TXNRD2: variants seen among roughly 807,000 people sequenced by gnomAD.
TXNRD2 encodes thioredoxin reductase 2.
A neutral mutation model predicts 70.8 loss-of-function variants in TXNRD2; 67 were observed. The ratio of observed to expected loss-of-function variants is 0.95; its 90% CI spans 0.78 to 1.16. The LOEUF (loss-of-function observed/expected upper bound fraction) is 1.16, where lower values mean the gene tolerates loss of function less well. TXNRD2 is among the 50% of genes most tolerant of loss of function. The probability of loss-of-function intolerance (pLI) is 0.00; values close to 1 mark genes in which losing one functional copy is unlikely to be tolerated. For synonymous variants in TXNRD2, 301 were observed against 295.8 expected (o/e 1.02, Z -0.18); for missense variants, 644 against 719.9 (o/e 0.89, Z 1.21).
intron 2 of TXNRD2, among the ~76,000 whole-genome samples, chr22:19,920,562 G>A (rs1000411005): frequency 1.3e-4 from 19 of 150,658 alleles, no homozygotes; most frequent in African/African-American, 4.4e-4. Context: ...CAGCCTGGGC[G>A]ACAGAGCAAG....
chr22:19,913,838 C>T (rs1212068362), intron 7 of TXNRD2, among the ~76,000 whole-genome samples: 1 of 152,202 alleles, frequency 6.6e-6, no homozygotes, highest in Non-Finnish European at 1.5e-5. Context: ...CAAACGCACA[C>T]AGAGCCCTCA....
At chr22:19,915,935 C>T (rs1940619174) in intron 5 of TXNRD2, 92 bp from the exon 6 acceptor site, 1 of 1,146,642 alleles carries the variant, frequency 8.7e-7, no homozygotes, top group Non-Finnish European at 1.3e-6. Flanking sequence ...AAGGGAGCTC[C>T]AGCCCCCAGC....
rs376329785 is a variant in TXNRD2 at position 19,877,055 on chromosome 22, G to A, written c.*50C>T. 45 of 1,566,290 alleles carry A rather than the reference G, an allele frequency of 2.9e-5. No individual in the cohort carries two copies. In the Admixed American group the frequency reaches 3.1e-4, roughly 11 times the overall value. On this transcript the variant is annotated 3_prime_UTR_variant, in exon 17 of 18. Transcript: ENST00000400521. ...ACCTGCATACCTGGGTCTGGCCTCC[G>A]AGGAGCTGGCGGCGGGCGCACCGTG...
chr22:19,925,292 A>G (rs1941096155), intron 2 of TXNRD2, among the ~76,000 whole-genome samples: 1 of 151,820 alleles, frequency 6.6e-6, no homozygotes, highest in Admixed American at 6.6e-5. Context: ...TCAAAAAACA[A>G]AACAAAACAA....
intron 11 of TXNRD2, among the ~76,000 whole-genome samples, chr22:19,892,482 T>C (rs1939309613): frequency 6.6e-6 from 1 of 152,176 alleles, no homozygotes; most frequent in African/African-American, 2.4e-5. Flanking sequence ...ATTTTGAAAG[T>C]ACAAAAAAAT....
rs200981451 is a variant in TXNRD2, at chr22:19,895,509, G to C, written c.847C>G (p.Arg283Gly). 4.3e-6 allele frequency: 7 copies of C among 1,613,848 alleles called. No homozygotes were observed. The highest frequency in any genetic ancestry group is 5.9e-6 in the Non-Finnish European group (7 of 1,180,024). The change falls in exon 11 of 18, where the codon CGG becomes GGG. Residue 283 changes from arginine to glycine, a missense_variant. By Grantham distance (125) the Arg-to-Gly change is moderately radical. This residue lies in a region of TXNRD2 where 566 missense variants were observed against 645.0 expected (regional missense o/e 0.88). Coordinates refer to ENST00000400521, the MANE Select transcript of TXNRD2 (RefSeq NM_006440.5). ...TRFLRGCAPS[R>G]VRRLPDGQLQ... is the part of the protein sequence containing the mutation. ...TGGCCATCAGGGAGCCTCCTGACCC[G>C]CGAGGGGGCACAGCCCCTCAGGAAC...
chr22:19,936,588 C>A (rs896925175), intron 1 of TXNRD2, among the ~76,000 whole-genome samples: 4 of 152,104 alleles, frequency 2.6e-5, no homozygotes, highest in African/African-American at 7.2e-5. Context: ...ACCCTCCTAT[C>A]ATTTTGGTCC....
At chr22:19,935,787 A>C (rs1941516493) in intron 1 of TXNRD2, among the ~76,000 whole-genome samples, 1 of 152,234 alleles carries the variant, frequency 6.6e-6, no homozygotes, top group African/African-American at 2.4e-5. Context: ...CTGGCGCCCA[A>C]CGTGGTTTTC....
chr22:19,934,929 T>C (rs529909703), intron 1 of TXNRD2, among the ~76,000 whole-genome samples: 118 of 152,356 alleles, frequency 7.7e-4, no homozygotes, highest in African/African-American at 2.4e-3. Context: ...CTTCATAAGC[T>C]GATAATATAC....
chr22:19,928,867 G>A (rs188108538), intron 2 of TXNRD2, among the ~76,000 whole-genome samples: 2 of 152,044 alleles, frequency 1.3e-5, no homozygotes, highest in East Asian at 3.9e-4. Context: ...TTAGCCAGGT[G>A]TGGTGGCAGG....
chr22:19,880,845 T>C lies in TXNRD2; in HGVS notation c.1087-128A>G, dbSNP rs1182657688. On this transcript the variant is annotated intron_variant, in intron 12 of 17. Transcript: ENST00000400521. Reference sequence around the variant, plus strand: ...AAATCCCCAACACTGGCACCGAGCATGGTGACGTACAGCATTCCCCCTAGA... The same window carrying C: ...AAATCCCCAACACTGGCACCGAGCACGGTGACGTACAGCATTCCCCCTAGA... 1.0e-5 allele frequency: 7 copies of C among 675,958 alleles called. No homozygotes were observed. The East Asian group carries it at 1.9e-4, about 18-fold the overall frequency. 41.9% of individuals were successfully genotyped at this position (675,958 alleles called of 1,614,324 possible).
intron 11 of TXNRD2, among the ~76,000 whole-genome samples, chr22:19,885,712 G>A (rs960801701): frequency 3.3e-5 from 5 of 152,160 alleles, no homozygotes; most frequent in Admixed American, 6.5e-5. Context: ...TGCCTGCTCC[G>A]TGCCGGAACA....
chr22:19,892,114 A>G (rs3804047), intron 11 of TXNRD2, among the ~76,000 whole-genome samples: 48,403 of 152,154 alleles, frequency 0.32, 7,748 homozygotes, highest in East Asian at 0.44. Flanking sequence ...CGTAGTGCAC[A>G]CCCGGTACAG....
intron 5 of TXNRD2, 97 bp downstream of exon 5, chr22:19,918,046 A>C: frequency 9.4e-7 from 1 of 1,060,652 alleles, no homozygotes; most frequent in Non-Finnish European, 1.5e-6. Context: ...AGAGCCTGCC[A>C]GAGCATGCTC....
At chr22:19,900,820 C>T (rs892247530) in intron 8 of TXNRD2, among the ~76,000 whole-genome samples, 1 of 152,224 alleles carries the variant, frequency 6.6e-6, no homozygotes, top group Admixed American at 6.5e-5. Context: ...TTTGCATATC[C>T]TGCCCTAAAT....
chr22:19,898,477 C>A (rs1939620073), intron 9 of TXNRD2, among the ~76,000 whole-genome samples: 1 of 146,214 alleles, frequency 6.8e-6, no homozygotes, highest in Non-Finnish European at 1.5e-5. Flanking sequence ...CAGCTGCTTT[C>A]TTCCACCTGT....
At chr22:19,921,861 T>C (rs74956910) in intron 2 of TXNRD2, among the ~76,000 whole-genome samples, 3,309 of 152,282 alleles carry the variant, frequency 0.022, 122 homozygotes, top group African/African-American at 0.075. Flanking sequence ...ACAGTGCCTG[T>C]TCCCAGAATC....
At chr22:19,923,220 C>T (rs976946888) in intron 2 of TXNRD2, among the ~76,000 whole-genome samples, 1 of 152,180 alleles carries the variant, frequency 6.6e-6, no homozygotes, top group Admixed American at 6.5e-5. Context: ...CACATGCCCA[C>T]TCTTTAAAAT....
chr22:19,919,679 AG>A, intron 2 of TXNRD2, 80 bp from the exon 3 acceptor site: 2 of 1,298,422 alleles, frequency 1.5e-6, no homozygotes. Flanking sequence ...AGGGCTTGTG[AG>A]GTCCAGAAGA....
Sources: allele counts gnomAD v4.1 joint callset (sites outside exome capture counted in the v4.1 genomes callset), GRCh38; gene constraint gnomAD v4.1.1; regional missense constraint gnomAD v4.1.1; transcripts MANE v1.5; gene names NCBI Gene and HGNC (gene_info 2026-07-23, HGNC 2026-07-21).